The following ESR1 variants were observed in gnomAD, a reference collection of about 807,000 sequenced individuals.
ESR1 encodes estrogen receptor 1, also known as estrogen receptor.
A neutral mutation model predicts 52.7 loss-of-function variants in ESR1; 12 were observed. The ratio of observed to expected loss-of-function variants is 0.23; its 90% CI spans 0.15 to 0.37. The LOEUF (loss-of-function observed/expected upper bound fraction) is 0.37. Among genes scored for constraint, ESR1 ranks in the 10% least tolerant of loss-of-function variants. The probability of loss-of-function intolerance (pLI) is 1.00; values close to 1 mark genes in which losing one functional copy is unlikely to be tolerated. For missense variants in ESR1, 584 were observed against 779.7 expected (o/e 0.75, Z 2.99); for synonymous variants, 305 against 316.8 (o/e 0.96, Z 0.39).
chr6:152,074,832 G>A (rs538960323), intron 6 of ESR1, among the ~76,000 whole-genome samples: 1 of 152,138 alleles, frequency 6.6e-6, no homozygotes, highest in Non-Finnish European at 1.5e-5. Flanking sequence ...GCATTTTTTG[G>A]ATAATATCAC....
chr6:152,023,493 C>T (rs567899472), intron 5 of ESR1, among the ~76,000 whole-genome samples: 3 of 152,230 alleles, frequency 2.0e-5, no homozygotes, highest in African/African-American at 4.8e-5. Context: ...AAATATCATA[C>T]ATCAGTAGGC....
exon 7 of ESR1, chr6:152,126,217 C>T (rs2053385423): frequency 6.6e-6 from 1 of 152,178 alleles, no homozygotes; most frequent in Non-Finnish European, 1.5e-5. Flanking sequence ...TTGAAAATAT[C>T]CGAACTATCC....
At position 151,715,242 on chromosome 6, in the gene ESR1, C is replaced by T. The variant is rs139761735; in HGVS notation, c.-71+13237C>T. On this transcript the variant is annotated intron_variant, in intron 2 of 2. Transcript: ENST00000404742. ...GATGGGCTTCCCTTTGTGGGTAACA[C>T]GACCTTTCTCTCTGGCTGCACTTAA... Among the ~76,000 whole-genome samples, 98 of 152,296 alleles carry T rather than the reference C, an allele frequency of 6.4e-4. 1 individual carries two copies. In the East Asian group the frequency reaches 0.012, roughly 18 times the overall value.
intron 5 of ESR1, among the ~76,000 whole-genome samples, chr6:152,038,467 A>G (rs1262667267): frequency 1.3e-5 from 2 of 152,174 alleles, no homozygotes; most frequent in Non-Finnish European, 2.9e-5. Flanking sequence ...TTGATCCCAC[A>G]TACATCTCCT....
chr6:151,915,759 C>A (rs1394773792), intron 3 of ESR1, among the ~76,000 whole-genome samples: 2 of 152,090 alleles, frequency 1.3e-5, no homozygotes, highest in Non-Finnish European at 2.9e-5. Context: ...TAAGACTGGA[C>A]AGCTGATTTT....
In ESR1 at chr6:151,958,687, C is replaced by T. The variant is rs140227305; in HGVS notation, c.1096+14179C>T. Among the ~76,000 whole-genome samples the T allele has an allele frequency of 2.2e-4, 34 of 152,254 alleles. No homozygotes were observed. In the East Asian group the frequency reaches 5.0e-3, roughly 22 times the overall value. On this transcript the variant is annotated intron_variant, in intron 4 of 7. Transcript: ENST00000206249. ...AAAATGTGTGTTATAGATCAAAATG[C>T]ACACACTCATTTACCTCTAAGAACA... is the stretch of plus-strand genomic sequence containing the variant.
intron 2 of ESR1, among the ~76,000 whole-genome samples, chr6:151,855,853 C>A (rs1417096877): frequency 1.3e-5 from 2 of 152,056 alleles, no homozygotes; most frequent in African/African-American, 4.8e-5. Flanking sequence ...CAATAGATAC[C>A]TTTCCACAGA....
chr6:151,859,247 A>G (rs1788449515), intron 2 of ESR1, among the ~76,000 whole-genome samples: 1 of 152,248 alleles, frequency 6.6e-6, no homozygotes, highest in South Asian at 2.1e-4. Context: ...TGTAGCTAAT[A>G]AAAATGGTTA....
rs141147953 is a variant in ESR1 at position 151,778,574 on chromosome 6, T to C, written c.-70-29269T>C. ...GTGTGTGCCACCATGCCTGGCTAAT[T>C]TTTGTATTTTGAGTAGAGATGGGGT... On this transcript the variant is annotated intron_variant, in intron 2 of 2. Transcript: ENST00000404742. Among the ~76,000 whole-genome samples, 113 of 152,126 alleles carry C rather than the reference T, an allele frequency of 7.4e-4. 3 individuals are homozygous for C. The East Asian group carries it at 0.021, about 28-fold the overall frequency.
intron 2 of ESR1, among the ~76,000 whole-genome samples, chr6:151,850,102 A>ATATACAAAAT (rs1562474769): frequency 2.1e-4 from 1 of 4,854 alleles, no homozygotes; most frequent in Non-Finnish European, 1.1e-3. Flanking sequence ...AATTTTATAT[A>ATATACAAAAT]TATATACAAA....
intron 2 of ESR1, among the ~76,000 whole-genome samples, chr6:151,850,047 T>TATATGCATAGAAAATA (rs1491216164): frequency 3.0e-5 from 2 of 66,106 alleles, no homozygotes; most frequent in African/African-American, 8.5e-5. Flanking sequence ...TATATAATTT[T>TATATGCATAGAAAATA]ATATATATAT....
exon 7 of ESR1, chr6:152,128,971 T>C (rs1027149980): frequency 1.3e-5 from 2 of 152,264 alleles, no homozygotes; most frequent in Non-Finnish European, 1.5e-5. Flanking sequence ...GTGAAGATTA[T>C]TTATGTTCCA....
At chr6:151,929,834 G>A (rs1376937127) in intron 3 of ESR1, among the ~76,000 whole-genome samples, 1 of 152,004 alleles carries the variant, frequency 6.6e-6, no homozygotes, top group African/African-American at 2.4e-5. Flanking sequence ...TATATTTAAA[G>A]CAAGTGTTGA....
At chr6:151,783,446 A>G (rs1786738457) in intron 2 of ESR1, among the ~76,000 whole-genome samples, 1 of 152,248 alleles carries the variant, frequency 6.6e-6, no homozygotes, top group East Asian at 1.9e-4. Context: ...GCCCAGGTAT[A>G]GACGATAATT....
chr6:152,088,470 TGTGGCA>T (rs1227015307), intron 6 of ESR1, among the ~76,000 whole-genome samples: 2 of 152,318 alleles, frequency 1.3e-5, no homozygotes, highest in African/African-American at 4.8e-5. Flanking sequence ...TAATCCCCCA[TGTGGCA>T]GTATTGAGAA....
At chr6:152,087,427 C>T (rs1252445291) in intron 6 of ESR1, among the ~76,000 whole-genome samples, 1 of 152,180 alleles carries the variant, frequency 6.6e-6, no homozygotes, top group Non-Finnish European at 1.5e-5. Context: ...TACAGTAGGA[C>T]ACCTACTATA....
intron 6 of ESR1, among the ~76,000 whole-genome samples, chr6:152,114,718 C>T (rs914053817): frequency 1.3e-5 from 2 of 150,952 alleles, no homozygotes; most frequent in African/African-American, 2.4e-5. Context: ...GGTGAAACCC[C>T]GTCTCTACTA....
chr6:151,657,094 C>A (rs75390143), intron 1 of ESR1, among the ~76,000 whole-genome samples: 1,645 of 152,236 alleles, frequency 0.011, 28 homozygotes, highest in African/African-American at 0.037. Context: ...ATATCTTACA[C>A]AGGGGGAATA....
chr6:151,756,395 G>A lies in ESR1; in HGVS notation c.-70-51448G>A, dbSNP rs181202604. 4.5e-3 allele frequency among the ~76,000 whole-genome samples: 689 copies of A among 152,102 alleles called. 1 individual carries two copies. The highest frequency in any genetic ancestry group is 7.2e-3 in the Non-Finnish European group (491 of 67,984). ...CCCGAGTAGCTGGGATTAGAGGCGC[G>A]TGCCACCATGCCTGGCTAATTTTTG... On this transcript the variant is annotated intron_variant, in intron 2 of 2. Transcript: ENST00000404742.
Sources: allele counts gnomAD v4.1 joint callset (sites outside exome capture counted in the v4.1 genomes callset), GRCh38; gene constraint gnomAD v4.1.1; transcripts MANE v1.5; gene names NCBI Gene and HGNC (gene_info 2026-07-23, HGNC 2026-07-21).